The following LUC7L2 variants were observed in gnomAD, a reference collection of about 807,000 sequenced individuals.
LUC7L2 encodes LUC7 like 2, pre-mRNA splicing factor.
In LUC7L2, 25 loss-of-function variants were observed where a neutral mutation model predicts 52.8. The ratio of observed to expected loss-of-function variants is 0.47; its 90% CI spans 0.34 to 0.66. The LOEUF is 0.66. Among genes scored for constraint, LUC7L2 ranks in the 30% least tolerant of loss-of-function variants. The pLI is 0.01. For synonymous variants in LUC7L2, 144 were observed against 160.9 expected (o/e 0.89, Z 0.80); for missense variants, 328 against 497.8 (o/e 0.66, Z 3.25).
chr7:139,341,511 C>G (rs754031356), intron 1 of LUC7L2: 24 of 1,612,734 alleles, frequency 1.5e-5, no homozygotes, highest in Non-Finnish European at 1.7e-5. Flanking sequence ...GAAGGCTTTC[C>G]GTGCACATCG....
intron 1 of LUC7L2, among the ~76,000 whole-genome samples, chr7:139,365,891 TTC>T (rs1262132443): frequency 1.3e-5 from 2 of 152,228 alleles, no homozygotes. Context: ...AGAAAAGCTA[TTC>T]TGTTTCCTTT....
At chr7:139,398,533 T>G in intron 2 of LUC7L2, 66 bp from the exon 3 acceptor site, 1 of 1,282,362 alleles carries the variant, frequency 7.8e-7, no homozygotes, top group Non-Finnish European at 1.1e-6. Flanking sequence ...ACAAGAACTG[T>G]GGTTGTTGAA....
chr7:139,379,507 A>C (rs1235017545), intron 2 of LUC7L2, among the ~76,000 whole-genome samples: 2 of 143,474 alleles, frequency 1.4e-5, no homozygotes, highest in Middle Eastern at 7.9e-3. Context: ...ATGAAAATGC[A>C]CTTACAACAT....
At chr7:139,412,772 C>T in intron 8 of LUC7L2, 192 bp downstream of exon 8, 1 of 451,614 alleles carries the variant, frequency 2.2e-6, no homozygotes, top group Non-Finnish European at 3.7e-6. Flanking sequence ...TTGCAGTGAG[C>T]CAAGATAGCA....
At chr7:139,407,549 T>C (rs1281560875) in intron 6 of LUC7L2, among the ~76,000 whole-genome samples, 199 bp downstream of exon 6, 1 of 152,210 alleles carries the variant, frequency 6.6e-6, no homozygotes, top group Admixed American at 6.5e-5. Flanking sequence ...TATCCTGTTA[T>C]TTTGGGAGTT....
chr7:139,410,351 A>C (rs1040767336), intron 7 of LUC7L2, among the ~76,000 whole-genome samples: 9 of 152,050 alleles, frequency 5.9e-5, no homozygotes, highest in African/African-American at 2.2e-4. Context: ...TGGTTGTTTC[A>C]TTGAAGGGTT....
intron 1 of LUC7L2, among the ~76,000 whole-genome samples, chr7:139,347,701 T>C (rs1239949580): frequency 6.7e-6 from 1 of 150,166 alleles, no homozygotes; most frequent in Non-Finnish European, 1.5e-5. Flanking sequence ...AAAAAAGAAA[T>C]GTTTAACATA....
At chr7:139,379,954 A>C (rs1291509157) in intron 2 of LUC7L2, among the ~76,000 whole-genome samples, 1 of 151,566 alleles carries the variant, frequency 6.6e-6, no homozygotes, top group Admixed American at 6.6e-5. Context: ...GAGGCCGATC[A>C]CTTGAGGTCA....
intron 1 of LUC7L2, among the ~76,000 whole-genome samples, chr7:139,366,892 T>C (rs1367547577): frequency 6.6e-6 from 1 of 152,242 alleles, no homozygotes; most frequent in Non-Finnish European, 1.5e-5. Flanking sequence ...CAGGTGATTC[T>C]GATACACATT....
At chr7:139,402,332 CAAGAGATTGCA>C in intron 4 of LUC7L2, 85 bp downstream of exon 4, 1 of 1,296,522 alleles carries the variant, frequency 7.7e-7, no homozygotes, top group Non-Finnish European at 1.0e-6. Flanking sequence ...ATTAGATTTG[CAAGAGATTGCA>C]AAGACATATA....
At chr7:139,413,530 C>T (rs1159163620) in intron 8 of LUC7L2, among the ~76,000 whole-genome samples, 1 of 152,192 alleles carries the variant, frequency 6.6e-6, no homozygotes, top group East Asian at 1.9e-4. Context: ...ACCATCACAG[C>T]TCTTTGGGAG....
chr7:139,357,353 ACTC>A (rs72003960), upstream of LUC7L2, among the ~76,000 whole-genome samples: 1,412 of 152,142 alleles, frequency 9.3e-3, 24 homozygotes, highest in African/African-American at 0.031. Context: ...CCTCAATTTC[ACTC>A]CTCAATTTTG....
intron 9 of LUC7L2, among the ~76,000 whole-genome samples, chr7:139,420,492 C>G (rs958250883): frequency 1.3e-5 from 2 of 152,192 alleles, no homozygotes; most frequent in African/African-American, 4.8e-5. Flanking sequence ...CATGAGCCAC[C>G]ACGTCCCACC....
At chr7:139,369,934 G>A (rs1800356622) in intron 1 of LUC7L2, among the ~76,000 whole-genome samples, 1 of 152,172 alleles carries the variant, frequency 6.6e-6, no homozygotes, top group Non-Finnish European at 1.5e-5. Flanking sequence ...CTGGAGGAAA[G>A]GAAAGCTGCT....
intron 5 of LUC7L2, among the ~76,000 whole-genome samples, 174 bp from the exon 6 acceptor site, chr7:139,407,000 G>GTTTTTTTTTTTTTTTTTTTTTT (rs779013466): frequency 3.6e-5 from 4 of 111,612 alleles, no homozygotes; most frequent in African/African-American, 1.1e-4. Flanking sequence ...ATGCTTTTGT[G>GTTTTTTTTTTTTTTTTTTTTTT]GTTTTTTTTT....
At chr7:139,385,306 G>T (rs1039190817) in intron 2 of LUC7L2, among the ~76,000 whole-genome samples, 5 of 133,290 alleles carry the variant, frequency 3.8e-5, no homozygotes, top group Admixed American at 2.9e-4. Flanking sequence ...TATCAGTTAG[G>T]ATTACTTTTT....
chr7:139,351,844 A>G (rs1799467346), intron 1 of LUC7L2, among the ~76,000 whole-genome samples: 2 of 152,164 alleles, frequency 1.3e-5, no homozygotes, highest in South Asian at 4.1e-4. Flanking sequence ...CTTTTCTTCA[A>G]CAAGGATGTA....
At chr7:139,410,795 A>G (rs1201340559) in intron 7 of LUC7L2, among the ~76,000 whole-genome samples, 5 of 152,208 alleles carry the variant, frequency 3.3e-5, no homozygotes, top group Admixed American at 2.6e-4. Context: ...TGAGCATATT[A>G]TATACTCAGT....
intron 1 of LUC7L2, among the ~76,000 whole-genome samples, chr7:139,368,630 C>T (rs1055308606): frequency 5.3e-5 from 8 of 150,390 alleles, no homozygotes; most frequent in African/African-American, 1.7e-4. Flanking sequence ...CCCAGCCACC[C>T]GGGAGGCTGA....
Sources: allele counts gnomAD v4.1 joint callset (sites outside exome capture counted in the v4.1 genomes callset), GRCh38; gene constraint gnomAD v4.1.1; transcripts MANE v1.5; gene names NCBI Gene and HGNC (gene_info 2026-07-23, HGNC 2026-07-21).